VTI1A: variants seen among roughly 807,000 people sequenced by gnomAD.
The protein encoded by VTI1A is vesicle transport through interaction with t-SNAREs 1A, also known as vesicle transport through interaction with t-SNAREs homolog 1A.
Under a neutral mutation model 34.9 loss-of-function variants are expected in VTI1A, and 22 were observed. The observed-to-expected ratio is 0.63, with a 90% CI of 0.45 to 0.90. The LOEUF (loss-of-function observed/expected upper bound fraction) is 0.90, where lower values mean the gene tolerates loss of function less well. Ranked by LOEUF, VTI1A falls within the 40% of genes least tolerant of loss-of-function variation. VTI1A has a pLI of 0.00. For synonymous variants in VTI1A, 87 were observed against 97.3 expected (o/e 0.89, Z 0.62); for missense variants, 268 against 275.6 (o/e 0.97, Z 0.20).
intron 7 of VTI1A, among the ~76,000 whole-genome samples, chr10:112,753,585 T>C (rs1204685179): frequency 6.6e-6 from 1 of 152,212 alleles, no homozygotes; most frequent in Non-Finnish European, 1.5e-5. Context: ...ATTGTTTTCA[T>C]TGGCCATTCG....
chr10:112,499,388 C>T (rs1287151654), intron 3 of VTI1A, among the ~76,000 whole-genome samples: 3 of 152,130 alleles, frequency 2.0e-5, no homozygotes, highest in African/African-American at 7.2e-5. Flanking sequence ...TCTTTTTCTG[C>T]TTTCATCTTA....
chr10:112,761,753 CCTCT>C (rs1195346327), intron 7 of VTI1A, among the ~76,000 whole-genome samples: 10 of 141,768 alleles, frequency 7.1e-5, no homozygotes, highest in Admixed American at 2.3e-4. Context: ...TGCTCTCCCT[CCTCT>C]CTCTTTCTTT....
intron 5 of VTI1A, among the ~76,000 whole-genome samples, chr10:112,637,401 G>GC (rs1340051646): frequency 4.6e-5 from 7 of 152,160 alleles, no homozygotes; most frequent in Non-Finnish European, 7.3e-5. Context: ...GGGTGTGGTG[G>GC]CTCACGCCTG....
At chr10:112,470,310 C>T (rs1327187081) in intron 3 of VTI1A, among the ~76,000 whole-genome samples, 1 of 152,146 alleles carries the variant, frequency 6.6e-6, no homozygotes, top group African/African-American at 2.4e-5. Flanking sequence ...AATGAATTGA[C>T]ACTGGACAGA....
intron 1 of VTI1A, among the ~76,000 whole-genome samples, chr10:112,459,524 CACTGTG>C (rs577737158): frequency 1.1e-3 from 172 of 152,308 alleles, no homozygotes; most frequent in African/African-American, 4.0e-3. Context: ...TTTGCCAAGT[CACTGTG>C]ACTGAAGAAG....
At position 112,647,243 on chromosome 10, in the gene VTI1A, A is replaced by G. The variant is rs549362254; in HGVS notation, c.428-20975A>G. On this transcript the variant is annotated intron_variant, in intron 5 of 7. Transcript: ENST00000393077. ...CTGTCCTTATCCAAATTACATAAAT[A>G]TTTTCTAATGGGACCATGACGGTTT... Among the ~76,000 whole-genome samples the G allele has an allele frequency of 2.0e-5, 3 of 152,178 alleles. No individual in the cohort carries two copies. The East Asian group carries it at 5.8e-4, about 29-fold the overall frequency.
chr10:112,640,904 G>A (rs754834645), intron 5 of VTI1A, among the ~76,000 whole-genome samples: 7 of 152,126 alleles, frequency 4.6e-5, no homozygotes, highest in Non-Finnish European at 1.0e-4. Flanking sequence ...CCAGAAAGAC[G>A]TTGATGGATG....
intron 5 of VTI1A, among the ~76,000 whole-genome samples, chr10:112,590,215 A>G (rs1168703383): frequency 2.6e-5 from 4 of 152,202 alleles, no homozygotes; most frequent in African/African-American, 9.7e-5. Flanking sequence ...AGAAAATTTT[A>G]TTACTCAGAG....
At chr10:112,582,082 AT>A (rs1253332391) in intron 5 of VTI1A, among the ~76,000 whole-genome samples, 3 of 152,120 alleles carry the variant, frequency 2.0e-5, no homozygotes, top group Non-Finnish European at 2.9e-5. Context: ...ACAGAAATTT[AT>A]TTCTCCAGTT....
intron 5 of VTI1A, among the ~76,000 whole-genome samples, chr10:112,541,939 G>A (rs1260680055): frequency 6.6e-6 from 1 of 152,202 alleles, no homozygotes; most frequent in Non-Finnish European, 1.5e-5. Flanking sequence ...GCTTGATCCA[G>A]TGTGGCATTG....
intron 3 of VTI1A, among the ~76,000 whole-genome samples, chr10:112,494,250 T>C (rs562791197): frequency 1.2e-4 from 18 of 152,252 alleles, no homozygotes; most frequent in Admixed American, 2.0e-4. Context: ...AATATTTGTT[T>C]ATAATCTTTT....
intron 3 of VTI1A, among the ~76,000 whole-genome samples, chr10:112,503,673 C>T (rs553642740): frequency 3.9e-5 from 6 of 152,196 alleles, no homozygotes; most frequent in African/African-American, 1.4e-4. Context: ...ATGTTTAATT[C>T]TTGTGGAGTA....
At chr10:112,606,304 C>T (rs1418115594) in intron 5 of VTI1A, among the ~76,000 whole-genome samples, 6 of 152,010 alleles carry the variant, frequency 3.9e-5, no homozygotes, top group African/African-American at 7.3e-5. Context: ...GGATTACAGA[C>T]GTGAGCCACC....
At chr10:112,519,628 G>A (rs1030607647) in intron 3 of VTI1A, among the ~76,000 whole-genome samples, 9 of 152,210 alleles carry the variant, frequency 5.9e-5, no homozygotes, top group African/African-American at 2.2e-4. Context: ...GGGGACTCCA[G>A]CCTGTTGTGG....
intron 5 of VTI1A, among the ~76,000 whole-genome samples, chr10:112,640,456 G>A (rs1451725811): frequency 2.0e-5 from 3 of 152,032 alleles, no homozygotes; most frequent in African/African-American, 7.2e-5. Context: ...CACCTCTCAT[G>A]GAGGAAGAGT....
At chr10:112,814,412 C>T (rs911976132) in intron 7 of VTI1A, among the ~76,000 whole-genome samples, 1 of 152,186 alleles carries the variant, frequency 6.6e-6, no homozygotes, top group Non-Finnish European at 1.5e-5. Flanking sequence ...GGCTGTTTGA[C>T]CTAGGTTCCC....
intron 3 of VTI1A, among the ~76,000 whole-genome samples, chr10:112,487,551 A>G (rs1007405476): frequency 6.6e-6 from 1 of 152,198 alleles, no homozygotes; most frequent in African/African-American, 2.4e-5. Context: ...TTTTACAAGC[A>G]TAAATTGTCT....
intron 3 of VTI1A, among the ~76,000 whole-genome samples, chr10:112,469,434 G>T (rs959759253): frequency 2.6e-5 from 4 of 152,114 alleles, no homozygotes; most frequent in African/African-American, 9.7e-5. Context: ...ATACTCCCAA[G>T]AACTAATTTT....
intron 7 of VTI1A, among the ~76,000 whole-genome samples, chr10:112,700,998 A>C (rs1229033840): frequency 6.6e-6 from 1 of 152,230 alleles, no homozygotes; most frequent in East Asian, 1.9e-4. Flanking sequence ...TTTAGGTTGC[A>C]AAGAGAGTTA....
Sources: allele counts gnomAD v4.1 joint callset (sites outside exome capture counted in the v4.1 genomes callset), GRCh38; gene constraint gnomAD v4.1.1; transcripts MANE v1.5; gene names NCBI Gene and HGNC (gene_info 2026-07-23, HGNC 2026-07-21).